Variants in SETD9 observed in about 807,000 individuals in gnomAD.
The protein encoded by SETD9 is SET domain-containing protein 9.
In SETD9, 37 loss-of-function variants were observed where a neutral mutation model predicts 36.4. The ratio of observed to expected loss-of-function variants is 1.02; its 90% CI spans 0.78 to 1.34. SETD9 has a LOEUF of 1.34. SETD9 is among the 40% of genes most tolerant of loss of function. SETD9 has a pLI of 0.00. For missense variants in SETD9, 323 were observed against 353.2 expected, an observed-to-expected ratio of 0.91 and a Z score of 0.69; for synonymous variants, 128 against 132.9, an observed-to-expected ratio of 0.96 and a Z score of 0.26.
chr5:56,924,097 C>G, intron 5 of SETD9: 1 of 1,573,620 alleles, frequency 6.4e-7, no homozygotes, highest in Non-Finnish European at 8.6e-7. Context: ...TTTTTTTAAG[C>G]AACTTTTCTT....
chr5:56,927,208 A>C, downstream of SETD9, among the ~76,000 whole-genome samples: 1 of 152,222 alleles, frequency 6.6e-6, no homozygotes, highest in Non-Finnish European at 1.5e-5. Flanking sequence ...AATGGAATGT[A>C]CAACATGAAG....
chr5:56,911,574 T>C, intron 2 of SETD9, 38 bp downstream of exon 2: 1 of 1,483,690 alleles, frequency 6.7e-7, no homozygotes, highest in Non-Finnish European at 8.9e-7. Context: ...GCCAAGCTTC[T>C]TACGTATTGA....
At chr5:56,911,035 A>G (rs995837367) in intron 1 of SETD9, 134 bp from the exon 2 acceptor site, 7 of 1,015,434 alleles carry the variant, frequency 6.9e-6, no homozygotes, top group East Asian at 2.6e-5. Flanking sequence ...TTCTTTTCTG[A>G]ACTTAGTTTC....
downstream of SETD9, among the ~76,000 whole-genome samples, chr5:56,918,780 C>CTT (rs1189358836): frequency 6.6e-6 from 1 of 152,124 alleles, no homozygotes; most frequent in African/African-American, 2.4e-5. Flanking sequence ...CTTGTACAAA[C>CTT]TTTGGATATT....
chr5:56,921,329 TAAG>T (rs1462098451), downstream of SETD9: 4 of 152,322 alleles, frequency 2.6e-5, no homozygotes, highest in African/African-American at 9.7e-5. Context: ...AACACAGCAA[TAAG>T]AAGCTGACAA....
Position 56,925,330 on chromosome 5 carries a change from CAG to C in SETD9, c.813-2_813-1del. On this transcript the variant is annotated splice_acceptor_variant, in intron 5 of 5. Coordinates refer to the SETD9 transcript ENST00000628593. LOFTEE classifies it high-confidence loss of function. ...GAAGAAATAAAACTGTCTCTGTTTACAGGTGACATGACTGTCTACGTAGAAAA... is the reference window on the plus strand; with the variant it reads ...GAAGAAATAAAACTGTCTCTGTTTACGTGACATGACTGTCTACGTAGAAAA... 1 of 454,698 alleles carries C rather than the reference CAG, an allele frequency of 2.2e-6. No homozygotes were observed. Among genetic ancestry groups the C allele is most frequent in the South Asian group, 1.6e-5 (1 of 64,008 alleles). The allele number at this position is 454,698 out of a possible 1,614,324, so 28.2% of individuals were successfully genotyped here. A position where few individuals can be genotyped will look rare whatever the true frequency, so the allele number is the denominator to read the frequency against.
At chr5:56,924,562 A>G (rs971566416) in intron 5 of SETD9, among the ~76,000 whole-genome samples, 1 of 152,244 alleles carries the variant, frequency 6.6e-6, no homozygotes, top group Admixed American at 6.5e-5. Flanking sequence ...CCCTTGGCAA[A>G]TGGACCAACG....
intron 5 of SETD9, chr5:56,923,507 T>A (rs1473888286): frequency 1.9e-6 from 3 of 1,614,056 alleles, no homozygotes; most frequent in Admixed American, 3.3e-5. Context: ...ACGGGGTGTG[T>A]TGCCCAGTGG....
At chr5:56,920,795 A>T (rs1462986503), downstream of SETD9, 1 of 152,456 alleles carries the variant, frequency 6.6e-6, no homozygotes, top group Non-Finnish European at 1.5e-5. Flanking sequence ...CTAAAAAGAT[A>T]TGAAGAATTT....
At chr5:56,919,010 T>C (rs1049948748), downstream of SETD9, among the ~76,000 whole-genome samples, 13 of 152,148 alleles carry the variant, frequency 8.5e-5, no homozygotes, top group Admixed American at 3.9e-4. Context: ...ATAATAATAT[T>C]TGACCAAATT....
chr5:56,910,210 G>T (rs1376786794), intron 1 of SETD9: 24 of 1,275,964 alleles, frequency 1.9e-5, no homozygotes, highest in Admixed American at 2.5e-5. Context: ...TCCACCAGGG[G>T]TTAATTAGGT....
At chr5:56,909,791 A>C (rs867805179) in intron 1 of SETD9, 48 bp downstream of exon 1, 4 of 1,443,030 alleles carry the variant, frequency 2.8e-6, no homozygotes, top group African/African-American at 1.5e-5. Context: ...TTCGGTTCCC[A>C]GACGCCACCA....
rs1316646096 is a variant in SETD9 at position 56,916,878 on chromosome 5, A to G, written c.876A>G (p.Ser292=). ...TCAATCAAGGAGAAGAGCTTTTTTC[A>G]AACTACTACACAATTGTCAGCTAAC... ...RDINQGEELF[S]NYYTIVS is the part of the protein sequence containing the mutation. The change falls in exon 6 of 6, where the codon TCA becomes TCG. Residue 292 remains serine, a synonymous_variant. Coordinates refer to ENST00000285947, the MANE Select transcript of SETD9 (RefSeq NM_153706.4). The G allele has an allele frequency of 6.2e-7, 1 of 1,607,522 alleles. No homozygotes were observed. Among genetic ancestry groups the G allele is most frequent in the East Asian group, 2.2e-5 (1 of 44,606 alleles).
At chr5:56,909,464 A>G, upstream of SETD9, 3 of 503,978 alleles carry the variant, frequency 6.0e-6, no homozygotes, top group Non-Finnish European at 1.0e-5. Context: ...CAGAGAGGTG[A>G]GGTCAGGAAA....
intron 1 of SETD9, 91 bp from the exon 2 acceptor site, chr5:56,911,078 G>A: frequency 2.1e-6 from 3 of 1,421,486 alleles, no homozygotes; most frequent in Non-Finnish European, 2.8e-6. Flanking sequence ...TAAGCTTATA[G>A]TTCCTTAAGG....
rs774527908 is a variant in SETD9, at chr5:56,916,839, C to T, written c.837C>T (p.Val279=). Residue 279 remains valine, a synonymous_variant, in exon 6 of 6, where the codon GTC becomes GTT. Transcript: ENST00000285947. ...KQSPLRCVVL[V]ALRDINQGEE... Reference sequence around the variant, plus strand: ...GCCCACTTCGATGTGTTGTTCTTGTCGCACTTAGGGACATCAATCAAGGAG... The same window carrying T: ...GCCCACTTCGATGTGTTGTTCTTGTTGCACTTAGGGACATCAATCAAGGAG... 11 of 1,606,466 alleles carry T rather than the reference C, an allele frequency of 6.8e-6. No individual in the cohort carries two copies. The highest frequency in any genetic ancestry group is 1.1e-5 in the South Asian group (1 of 88,582).
downstream of SETD9, chr5:56,920,732 C>T (rs1292675688): frequency 6.6e-6 from 1 of 152,016 alleles, no homozygotes; most frequent in Non-Finnish European, 1.5e-5. Context: ...ATCAAGCATG[C>T]ACAAAAATGG....
At chr5:56,923,078 C>T (rs774889097) in intron 5 of SETD9, 4 of 1,519,160 alleles carry the variant, frequency 2.6e-6, no homozygotes, top group African/African-American at 1.4e-5. Flanking sequence ...CTGATAGCTC[C>T]CCTCAAGTTT....
downstream of SETD9, chr5:56,919,472 T>TATCA (rs1206744974): frequency 8.5e-5 from 13 of 152,310 alleles, no homozygotes; most frequent in Non-Finnish European, 1.6e-4. Flanking sequence ...CTTCACTATC[T>TATCA]ATCATATATC....
Sources: gnomAD v4.1 joint callset for allele counts (sites outside exome capture counted in the v4.1 genomes callset) on GRCh38, gnomAD v4.1.1 for gene constraint, MANE v1.5 for transcripts, NCBI Gene and HGNC (gene_info 2026-07-23, HGNC 2026-07-21) for gene names.